The following SDK1 variants were observed in gnomAD, a reference collection of about 807,000 sequenced individuals.
The protein encoded by SDK1 is protein sidekick-1.
In SDK1, 157 loss-of-function variants were observed where a neutral mutation model predicts 245.5. The ratio of observed to expected loss-of-function variants is 0.64; its 90% CI spans 0.56 to 0.73. SDK1 has a LOEUF of 0.73. Among genes scored for constraint, SDK1 ranks in the 30% least tolerant of loss-of-function variants. The probability of loss-of-function intolerance (pLI) is 0.00; values close to 1 mark genes in which losing one functional copy is unlikely to be tolerated. For synonymous variants in SDK1, 1,647 were observed against 1,278.5 expected, an observed-to-expected ratio of 1.29 and a Z score of -6.15; for missense variants, 3,583 against 3,002.3, an observed-to-expected ratio of 1.19 and a Z score of -4.52.
intron 4 of SDK1, among the ~76,000 whole-genome samples, chr7:3,755,572 C>A (rs1779898227): frequency 6.6e-6 from 1 of 152,126 alleles, no homozygotes; most frequent in East Asian, 1.9e-4. Context: ...ACTATTCACT[C>A]TTTATGAGGA....
At chr7:3,426,940 A>G (rs1779694468) in intron 1 of SDK1, among the ~76,000 whole-genome samples, 2 of 152,226 alleles carry the variant, frequency 1.3e-5, no homozygotes, top group Admixed American at 1.3e-4. Context: ...TTCAAAAGTT[A>G]GCTCTTGCTT....
At chr7:3,655,420 C>T (rs530154195) in intron 4 of SDK1, among the ~76,000 whole-genome samples, 5 of 130,114 alleles carry the variant, frequency 3.8e-5, no homozygotes, top group Non-Finnish European at 7.8e-5. Flanking sequence ...GCAACAAGAG[C>T]GCAACTGTCT....
chr7:3,587,525 T>C (rs1054441630), intron 1 of SDK1, among the ~76,000 whole-genome samples: 1 of 152,124 alleles, frequency 6.6e-6, no homozygotes, highest in East Asian at 1.9e-4. Context: ...CAGGAGAAGA[T>C]TGATGTCCCC....
rs560124026 is a variant in SDK1, at chr7:3,357,328, G to GTTTTTTTTTTT, written c.298+55473_298+55483dup. On this transcript the variant is annotated intron_variant, in intron 1 of 44. Coordinates refer to ENST00000404826, the MANE Select transcript of SDK1 (RefSeq NM_152744.4). Reference sequence around the variant, plus strand: ...TTACTCTTGCTCCCCTTCTTTTAGTGTTTTTTTTTTTTTTTTTTTTTTTTT... The same window carrying GTTTTTTTTTTT: ...TTACTCTTGCTCCCCTTCTTTTAGTGTTTTTTTTTTTTTTTTTTTTTTTTTTTTTTTTTTTT... Among the ~76,000 whole-genome samples, 46 of 52,944 alleles carry GTTTTTTTTTTT rather than the reference G, an allele frequency of 8.7e-4. 12 individuals carry two copies. Among genetic ancestry groups the GTTTTTTTTTTT allele is most frequent in the East Asian group, 3.1e-3 (4 of 1,296 alleles). 34.7% of individuals were successfully genotyped at this position (52,944 alleles called of 152,430 possible).
intron 14 of SDK1, among the ~76,000 whole-genome samples, chr7:3,998,126 TGC>T (rs1784816015): frequency 6.6e-6 from 1 of 152,210 alleles, no homozygotes; most frequent in Non-Finnish European, 1.5e-5. Flanking sequence ...GCAGGGCTCC[TGC>T]CTGCTCCATG....
intron 1 of SDK1, among the ~76,000 whole-genome samples, chr7:3,611,198 A>C (rs1033314629): frequency 2.6e-5 from 4 of 152,216 alleles, no homozygotes; most frequent in African/African-American, 9.6e-5. Context: ...TATATTTGAA[A>C]GTCTACCACT....
intron 1 of SDK1, among the ~76,000 whole-genome samples, chr7:3,515,190 G>A (rs1193570940): frequency 2.0e-5 from 3 of 152,160 alleles, no homozygotes; most frequent in East Asian, 1.9e-4. Flanking sequence ...CTGAAGAAGA[G>A]CAGGGCTGTG....
At chr7:3,536,362 G>A (rs1406590409) in intron 1 of SDK1, among the ~76,000 whole-genome samples, 1 of 151,788 alleles carries the variant, frequency 6.6e-6, no homozygotes, top group East Asian at 1.9e-4. Flanking sequence ...TGCTGCACCC[G>A]GCCACTAGCA....
At chr7:3,591,191 C>A (rs1042042255) in intron 1 of SDK1, among the ~76,000 whole-genome samples, 1 of 152,118 alleles carries the variant, frequency 6.6e-6, no homozygotes, top group Admixed American at 6.6e-5. Flanking sequence ...AGGTGTTAAC[C>A]TTTATCTTTA....
intron 1 of SDK1, among the ~76,000 whole-genome samples, chr7:3,603,162 C>T (rs1456114161): frequency 9.2e-4 from 129 of 140,080 alleles, no homozygotes; most frequent in Non-Finnish European, 1.2e-3. Flanking sequence ...CTTGGCGATG[C>T]GGGCTCTTTT....
chr7:3,978,331 C>G (rs774771198), intron 13 of SDK1, among the ~76,000 whole-genome samples: 2 of 152,154 alleles, frequency 1.3e-5, no homozygotes, highest in African/African-American at 2.4e-5. Context: ...CATGTCTTCC[C>G]TACTATTTGC....
chr7:3,886,598 A>T (rs1176582112), intron 5 of SDK1, among the ~76,000 whole-genome samples: 1 of 152,124 alleles, frequency 6.6e-6, no homozygotes, highest in African/African-American at 2.4e-5. Flanking sequence ...GGTTGGGTAT[A>T]TTTTCCACTT....
chr7:3,557,058 G>C (rs1779611278), intron 1 of SDK1, among the ~76,000 whole-genome samples: 1 of 151,442 alleles, frequency 6.6e-6, no homozygotes, highest in African/African-American at 2.4e-5. Flanking sequence ...ATTAGGAAAA[G>C]AAGAGCAAAA....
chr7:4,158,519 C>T lies in SDK1; in HGVS notation c.4697C>T (p.Ser1566Leu). Residue 1566 changes from serine to leucine, a missense_variant, in exon 31 of 45, where the codon TCA (serine) becomes TTA (leucine). Coordinates refer to ENST00000404826, the MANE Select transcript of SDK1 (RefSeq NM_152744.4). The part of the protein sequence containing the change: ...TNDIGDSDFS[S>L]ETEAVTTLQD... ...GACATTGGGGACAGTGACTTCAGTT[C>T]AGAGACAGAGGCGGTGACCACGCTG... 1 of 1,613,768 alleles carries T rather than the reference C, an allele frequency of 6.2e-7. No individual in the cohort carries two copies. The highest frequency in any genetic ancestry group is 8.5e-7 in the Non-Finnish European group (1 of 1,179,948).
At chr7:3,671,265 G>T (rs2128662853) in intron 4 of SDK1, among the ~76,000 whole-genome samples, 1 of 152,208 alleles carries the variant, frequency 6.6e-6, no homozygotes, top group African/African-American at 2.4e-5. Context: ...TCTTCATCTT[G>T]TAAATTCAGA....
intron 1 of SDK1, among the ~76,000 whole-genome samples, chr7:3,589,925 G>A (rs138864036): frequency 6.6e-6 from 1 of 152,298 alleles, no homozygotes; most frequent in Non-Finnish European, 1.5e-5. Flanking sequence ...GGAATATTGA[G>A]GTTATGCAGA....
intron 1 of SDK1, among the ~76,000 whole-genome samples, chr7:3,486,547 A>AT (rs1220170322): frequency 3.3e-5 from 5 of 151,596 alleles, no homozygotes; most frequent in South Asian, 2.1e-4. Context: ...TTATGCTATG[A>AT]TTTTTTCTGA....
intron 4 of SDK1, among the ~76,000 whole-genome samples, chr7:3,750,778 C>T (rs1453122722): frequency 6.6e-6 from 1 of 152,210 alleles, no homozygotes; most frequent in Admixed American, 6.5e-5. Context: ...TCAGTAAATA[C>T]TAGTGAAATA....
chr7:3,563,838 C>T (rs555875460), intron 1 of SDK1, among the ~76,000 whole-genome samples: 10 of 152,104 alleles, frequency 6.6e-5, no homozygotes, highest in African/African-American at 2.2e-4. Context: ...AAAGCAATAA[C>T]AAATTAGGTT....
Sources: gnomAD v4.1 joint callset for allele counts (sites outside exome capture counted in the v4.1 genomes callset) on GRCh38, gnomAD v4.1.1 for gene constraint, MANE v1.5 for transcripts, NCBI Gene and HGNC (gene_info 2026-07-23, HGNC 2026-07-21) for gene names.